SLC6A4: variants seen among roughly 807,000 people sequenced by gnomAD.
SLC6A4 encodes sodium-dependent serotonin transporter.
A neutral mutation model predicts 73.4 loss-of-function variants in SLC6A4; 22 were observed. That is an observed-to-expected ratio of 0.30 (90% CI 0.21 to 0.43). SLC6A4 has a LOEUF of 0.43. Ranked by LOEUF, SLC6A4 falls within the 20% of genes least tolerant of loss-of-function variation. The pLI is 1.00. For synonymous variants in SLC6A4, 270 were observed against 315.5 expected (o/e 0.86, Z 1.53); for missense variants, 593 against 808.5 (o/e 0.73, Z 3.23).
intron 2 of SLC6A4, 112 bp downstream of exon 2, chr17:30,222,707 G>T: frequency 1.1e-6 from 1 of 928,588 alleles, no homozygotes; most frequent in Non-Finnish European, 1.5e-6. Flanking sequence ...AGGAAGGTTG[G>T]GGCAGATTTG....
intron 1 of SLC6A4, among the ~76,000 whole-genome samples, chr17:30,231,821 C>G (rs1907124444): frequency 6.6e-6 from 1 of 152,120 alleles, no homozygotes; most frequent in Admixed American, 6.5e-5. Context: ...TCCTTCGGCC[C>G]AGCTCCCCAA....
At position 30,235,594 on chromosome 17, in the gene SLC6A4, AG is replaced by A. The variant is rs1433092979; in HGVS notation, c.-221+18del. 6.6e-6 allele frequency: 1 copy of A among 152,284 alleles called. No individual in the cohort carries two copies. Among genetic ancestry groups the A allele is most frequent in the Non-Finnish European group, 1.5e-5 (1 of 68,104 alleles). 9.4% of individuals were successfully genotyped at this position (152,284 alleles called of 1,614,324 possible). ...GGAAAGAAACGTGGGTTCGAGGCGG[AG>A]AGGAAAAGCGGACCCACCTGCCAGG... On this transcript the variant is annotated intron_variant, in intron 1 of 14. Coordinates refer to ENST00000650711, the MANE Select transcript of SLC6A4 (RefSeq NM_001045.6). The surrounding 1 kb of genome is among the most constrained non-coding windows in gnomAD (Gnocchi z 4.5).
chr17:30,203,549 AT>A, intron 13 of SLC6A4: 2 of 551,372 alleles, frequency 3.6e-6, no homozygotes, highest in Non-Finnish European at 6.5e-6. Flanking sequence ...GCTTTCCCTG[AT>A]TTTCCTCCCC....
intron 12 of SLC6A4, among the ~76,000 whole-genome samples, chr17:30,208,645 A>G (rs1906283517): frequency 1.3e-5 from 2 of 152,186 alleles, no homozygotes; most frequent in African/African-American, 4.8e-5. Context: ...CCTTGATAAT[A>G]TGTGTAACAA....
In SLC6A4 at chr17:30,201,003, G is replaced by A. The variant is rs554449345; in HGVS notation, c.1818+2169C>T. Among the ~76,000 whole-genome samples, 8 of 152,090 alleles carry A rather than the reference G, an allele frequency of 5.3e-5. No individual in the cohort carries two copies. In the East Asian group the frequency reaches 1.4e-3, roughly 26 times the overall value. ...TCACCATGTTGGCTAGGCTAGTCTC[G>A]AACTCCTGACCTCAGGTGACCCATC... is the stretch of plus-strand genomic sequence containing the variant. On this transcript the variant is annotated intron_variant, in intron 14 of 14. Transcript: ENST00000650711.
At chr17:30,202,500 C>A (rs562798443) in intron 14 of SLC6A4, among the ~76,000 whole-genome samples, 2 of 152,320 alleles carry the variant, frequency 1.3e-5, no homozygotes, top group East Asian at 3.9e-4. Context: ...GCCCATTTAC[C>A]TCCCAAGGTA....
At chr17:30,224,464 C>T (rs186297586) in intron 1 of SLC6A4, among the ~76,000 whole-genome samples, 3 of 152,068 alleles carry the variant, frequency 2.0e-5, no homozygotes, top group South Asian at 2.1e-4. Context: ...ATGATCCACC[C>T]GCCTTGGCCT....
Position 30,198,335 on chromosome 17 carries a change from A to C in SLC6A4, c.*121T>G. On this transcript the variant is annotated 3_prime_UTR_variant, in exon 15 of 15. Coordinates refer to ENST00000650711, the MANE Select transcript of SLC6A4 (RefSeq NM_001045.6). ...GCACCAGACTGTGTCCCTGTGGAGAAGGCCCTTCCATCATCAGGCTTAGCT... is the reference window on the plus strand; with the variant it reads ...GCACCAGACTGTGTCCCTGTGGAGACGGCCCTTCCATCATCAGGCTTAGCT... The C allele has an allele frequency of 1.6e-6, 1 of 624,888 alleles. No individual in the cohort carries two copies. The highest frequency in any genetic ancestry group is 2.8e-5 in the East Asian group (1 of 36,238). The allele number at this position is 624,888 out of a possible 1,614,324, so 38.7% of individuals were successfully genotyped here. A position where few individuals can be genotyped will look rare whatever the true frequency, so the allele number is the denominator to read the frequency against.
intron 1 of SLC6A4, among the ~76,000 whole-genome samples, chr17:30,223,743 C>T (rs1278970570): frequency 6.6e-6 from 1 of 152,114 alleles, no homozygotes; most frequent in African/African-American, 2.4e-5. Context: ...CCACCCACCC[C>T]AGGCTCAAGA....
rs11367656 is a variant in SLC6A4 at position 30,195,818 on chromosome 17, ATT to A, written c.*2636_*2637del. 2.0e-3 allele frequency: 280 copies of A among 139,012 alleles called. 1 individual carries two copies. Among genetic ancestry groups the A allele is most frequent in the East Asian group, 5.1e-3 (24 of 4,704 alleles). The allele number at this position is 139,012 out of a possible 1,614,324, so 8.6% of individuals were successfully genotyped here. ...TCTTTCCATGGAACTAAGCATAACAATTTTTTTTTTTTTTTTTGAGACGGAGT... is the reference window on the plus strand; with the variant it reads ...TCTTTCCATGGAACTAAGCATAACAATTTTTTTTTTTTTTTGAGACGGAGT... On this transcript the variant is annotated 3_prime_UTR_variant, in exon 15 of 15. Coordinates refer to ENST00000650711, the MANE Select transcript of SLC6A4 (RefSeq NM_001045.6).
chr17:30,226,872 C>CAAAAAAGAAAA (rs1555590882), intron 1 of SLC6A4, among the ~76,000 whole-genome samples: 1 of 112,338 alleles, frequency 8.9e-6, no homozygotes, highest in Non-Finnish European at 1.8e-5. Flanking sequence ...GACTCTGTCT[C>CAAAAAAGAAAA]AAAAAAAAAA....
At chr17:30,222,344 C>T (rs895213071) in intron 2 of SLC6A4, among the ~76,000 whole-genome samples, 6 of 152,188 alleles carry the variant, frequency 3.9e-5, no homozygotes. Flanking sequence ...CCAAGGTTTG[C>T]ACAGGCTGGA....
chr17:30,210,885 T>G (rs1161282601), intron 10 of SLC6A4, among the ~76,000 whole-genome samples: 3 of 151,936 alleles, frequency 2.0e-5, no homozygotes, highest in African/African-American at 7.3e-5. Context: ...GGACAGAACT[T>G]CAATATATGA....
chr17:30,223,356 A>G (rs1906829648), intron 1 of SLC6A4, among the ~76,000 whole-genome samples: 1 of 152,228 alleles, frequency 6.6e-6, no homozygotes, highest in Non-Finnish European at 1.5e-5. Flanking sequence ...ATGGCTAGGA[A>G]CTGGCTAATA....
At chr17:30,217,328 C>A (rs13306793) in intron 5 of SLC6A4, 24 bp from the exon 6 acceptor site, 4 of 1,609,238 alleles carry the variant, frequency 2.5e-6, no homozygotes, top group South Asian at 1.1e-5. Context: ...GAAAGAAAGG[C>A]CCCTGAGAGG....
intron 1 of SLC6A4, among the ~76,000 whole-genome samples, chr17:30,225,086 T>A (rs1344000414): frequency 6.6e-6 from 1 of 152,182 alleles, no homozygotes; most frequent in East Asian, 1.9e-4. Flanking sequence ...AGACAACTCA[T>A]GACCGGGCAG....
At chr17:30,217,650 T>C (rs943311942) in intron 5 of SLC6A4, among the ~76,000 whole-genome samples, 5 of 152,170 alleles carry the variant, frequency 3.3e-5, no homozygotes, top group African/African-American at 1.2e-4. Flanking sequence ...CCAAAGTAGC[T>C]CTCTCTTTGG....
At chr17:30,204,440 C>A (rs1254636965) in intron 13 of SLC6A4, 1 of 152,056 alleles carries the variant, frequency 6.6e-6, no homozygotes, top group African/African-American at 2.4e-5. Flanking sequence ...AACCCAGGCT[C>A]CTCATCCCCA....
intron 3 of SLC6A4, 28 bp downstream of exon 3, chr17:30,221,588 G>C (rs1906761188): frequency 1.3e-6 from 2 of 1,590,276 alleles, no homozygotes; most frequent in Non-Finnish European, 1.7e-6. Flanking sequence ...CTGGGTCACA[G>C]CCTCTACTCG....
Sources: gnomAD v4.1 joint callset for allele counts (sites outside exome capture counted in the v4.1 genomes callset) on GRCh38, gnomAD v4.1.1 for gene constraint, Gnocchi (gnomAD v3.1) non-coding constraint, MANE v1.5 for transcripts, NCBI Gene and HGNC (gene_info 2026-07-23, HGNC 2026-07-21) for gene names.